The following IL6ST variants were observed in gnomAD, a reference collection of about 807,000 sequenced individuals.
IL6ST encodes interleukin-6 receptor subunit beta.
Under a neutral mutation model 91.3 loss-of-function variants are expected in IL6ST, and 24 were observed. The ratio of observed to expected loss-of-function variants is 0.26; its 90% CI spans 0.19 to 0.37. The LOEUF is 0.37. IL6ST is among the 10% of genes least tolerant of loss of function. IL6ST has a pLI of 1.00. For synonymous variants in IL6ST, 351 were observed against 373.6 expected (o/e 0.94, Z 0.70); for missense variants, 914 against 1,078.5 (o/e 0.85, Z 2.14).
intron 9 of IL6ST, 40 bp from the exon 10 acceptor site, chr5:55,956,275 ATCTTG>A: frequency 8.4e-7 from 1 of 1,190,458 alleles, no homozygotes; most frequent in Middle Eastern, 2.9e-4. Context: ...AATCTCATAA[ATCTTG>A]AATAAAAAAT....
At chr5:55,976,333 C>A (rs1753290060) in intron 2 of IL6ST, 40 bp from the exon 3 acceptor site, 5 of 1,096,708 alleles carry the variant, frequency 4.6e-6, no homozygotes, top group South Asian at 1.6e-5. Flanking sequence ...AATATTTTTT[C>A]TCTTATATAC....
At position 55,942,895 on chromosome 5, in the gene IL6ST, A is replaced by G. The variant is rs1017638906; in HGVS notation, c.1938-144T>C. Reference sequence around the variant, plus strand: ...AAAAAATACCTACTCTACCCCAAACAAAAATTATTTTTCTTATAACCAATA... The same window carrying G: ...AAAAAATACCTACTCTACCCCAAACGAAAATTATTTTTCTTATAACCAATA... On this transcript the variant is annotated intron_variant, in intron 15 of 16. Transcript: ENST00000381298. The G allele has an allele frequency of 1.8e-5, 9 of 506,424 alleles. No individual in the cohort carries two copies. In the Admixed American group the frequency reaches 3.3e-4, roughly 19 times the overall value. 31.4% of individuals were successfully genotyped at this position (506,424 alleles called of 1,614,324 possible). A position where few individuals can be genotyped will look rare whatever the true frequency, so the allele number is the denominator to read the frequency against.
Position 55,940,589 on chromosome 5 carries a change from T to C in IL6ST, c.*493A>G. The C allele has an allele frequency of 4.7e-6, 1 of 213,614 alleles. No homozygotes were observed. Among genetic ancestry groups the C allele is most frequent in the Non-Finnish European group, 9.5e-6 (1 of 105,666 alleles). The allele number at this position is 213,614 out of a possible 1,614,324, so 13.2% of individuals were successfully genotyped here. A position where few individuals can be genotyped will look rare whatever the true frequency, so the allele number is the denominator to read the frequency against. ...TGTCAGATTACAAAAGCTGGGCTCA[T>C]GTAGTTATGGCCTATGGACCTCTTT... On this transcript the variant is annotated 3_prime_UTR_variant, in exon 17 of 17. Transcript: ENST00000381298.
At position 55,940,014 on chromosome 5, in the gene IL6ST, C is replaced by T. The variant is rs1439672947; in HGVS notation, c.*1068G>A. The T allele has an allele frequency of 5.2e-6, 1 of 192,732 alleles. No individual in the cohort carries two copies. The highest frequency in any genetic ancestry group is 1.0e-5 in the Non-Finnish European group (1 of 95,850). The allele number at this position is 192,732 out of a possible 1,614,324, so 11.9% of individuals were successfully genotyped here. On this transcript the variant is annotated 3_prime_UTR_variant, in exon 17 of 17. Transcript: ENST00000381298. ...AAAATAAAAAAATTTAAATCTTTGCCTACTTATTTAAAAATAAAAAAAATA... is the reference window on the plus strand; with the variant it reads ...AAAATAAAAAAATTTAAATCTTTGCTTACTTATTTAAAAATAAAAAAAATA...
At chr5:55,957,156 CAAA>C (rs35994470) in intron 9 of IL6ST, 50 bp downstream of exon 9, 1,146 of 758,140 alleles carry the variant, frequency 1.5e-3, no homozygotes, top group East Asian at 2.2e-3. Context: ...GACTCGGTTT[CAAA>C]AAAAAAAAAA....
intron 14 of IL6ST, among the ~76,000 whole-genome samples, chr5:55,948,193 T>G (rs1388094690): frequency 6.6e-6 from 1 of 152,098 alleles, no homozygotes; most frequent in East Asian, 1.9e-4. Context: ...AGGAATAAAC[T>G]AAAAAGTAAA....
intron 15 of IL6ST, among the ~76,000 whole-genome samples, chr5:55,947,192 T>A (rs2111634950): frequency 6.6e-6 from 1 of 152,188 alleles, no homozygotes; most frequent in South Asian, 2.1e-4. Context: ...AGAGTGAAAC[T>A]CTGTCTCAAA....
intron 1 of IL6ST, among the ~76,000 whole-genome samples, chr5:55,993,607 A>G (rs1435939587): frequency 6.6e-6 from 1 of 152,184 alleles, no homozygotes; most frequent in Non-Finnish European, 1.5e-5. Flanking sequence ...AAAAAATCCC[A>G]CTACAGTCTG....
At chr5:55,952,212 C>G in intron 12 of IL6ST, 38 bp downstream of exon 12, 2 of 1,542,554 alleles carry the variant, frequency 1.3e-6, no homozygotes, top group Non-Finnish European at 1.8e-6. Flanking sequence ...ATACAAAGCC[C>G]TAAACTTTTT....
At chr5:55,988,742 G>A (rs369472920) in intron 1 of IL6ST, among the ~76,000 whole-genome samples, 2 of 145,716 alleles carry the variant, frequency 1.4e-5, no homozygotes, top group East Asian at 2.0e-4. Flanking sequence ...CTCCAGCCCA[G>A]GCAACAAGAG....
intron 14 of IL6ST, among the ~76,000 whole-genome samples, chr5:55,947,865 G>T (rs771105135): frequency 6.6e-6 from 1 of 152,110 alleles, no homozygotes; most frequent in Non-Finnish European, 1.5e-5. Flanking sequence ...AGTGTATCGG[G>T]TAATCTACTG....
chr5:55,992,112 T>G (rs1003180903), intron 1 of IL6ST, among the ~76,000 whole-genome samples: 3 of 152,202 alleles, frequency 2.0e-5, no homozygotes, highest in African/African-American at 7.2e-5. Context: ...TCATCTCTTA[T>G]ATGGAATTTC....
At chr5:55,963,868 G>A (rs1752480942) in intron 6 of IL6ST, among the ~76,000 whole-genome samples, 1 of 152,150 alleles carries the variant, frequency 6.6e-6, no homozygotes, top group Admixed American at 6.5e-5. Context: ...CAGCTGTTAA[G>A]TGTGGTTGGA....
chr5:55,957,216 A>G lies in IL6ST; in HGVS notation c.1049T>C (p.Val350Ala). The stretch of plus-strand genomic sequence containing the variant: ...ATAAATGTGATTTTTTACCTTCCAC[A>G]CGAGTTGTACAGTTCTGTAGCCTTG... The part of the protein sequence containing the change: ...HTQGYRTVQL[V>A]WKTLPPFEAN... The change falls in exon 9 of 17, where the codon GTG becomes GCG. Residue 350 changes from valine (V) to alanine (A), a missense_variant. Coordinates refer to ENST00000381298, the MANE Select transcript of IL6ST (RefSeq NM_002184.4). 1 of 1,488,632 alleles carries G rather than the reference A, an allele frequency of 6.7e-7. No individual in the cohort carries two copies. Among genetic ancestry groups the G allele is most frequent in the Non-Finnish European group, 9.1e-7 (1 of 1,098,838 alleles). 92.2% of individuals were successfully genotyped at this position (1,488,632 alleles called of 1,614,324 possible).
chr5:55,981,793 C>G (rs529646004), intron 2 of IL6ST, among the ~76,000 whole-genome samples: 1 of 152,114 alleles, frequency 6.6e-6, no homozygotes, highest in Admixed American at 6.5e-5. Flanking sequence ...TATATTATAA[C>G]CATACATTGC....
intron 11 of IL6ST, 93 bp downstream of exon 11, chr5:55,954,717 G>A (rs750140127): frequency 1.6e-5 from 14 of 900,882 alleles, no homozygotes; most frequent in Admixed American, 1.3e-4. Flanking sequence ...ATTGGAAGTC[G>A]TTTCAACGGA....
intron 6 of IL6ST, 25 bp downstream of exon 6, chr5:55,964,121 C>G (rs1326313646): frequency 7.3e-7 from 1 of 1,360,652 alleles, no homozygotes; most frequent in Admixed American, 2.1e-5. Context: ...GTCAAATAAA[C>G]TCTCAAATTC....
At chr5:55,964,578 C>A (rs540607933) in intron 5 of IL6ST, among the ~76,000 whole-genome samples, 1 of 152,178 alleles carries the variant, frequency 6.6e-6, no homozygotes, top group Non-Finnish European at 1.5e-5. Flanking sequence ...CCACTTACTC[C>A]TCTCCAAAAA....
chr5:55,989,152 C>A (rs1187487081), intron 1 of IL6ST, among the ~76,000 whole-genome samples: 1 of 119,994 alleles, frequency 8.3e-6, no homozygotes, highest in Non-Finnish European at 1.6e-5. Context: ...AAAAAAGTCT[C>A]GCAGAAAAAA....
Sources: gnomAD v4.1 joint callset for allele counts (sites outside exome capture counted in the v4.1 genomes callset) on GRCh38, gnomAD v4.1.1 for gene constraint, MANE v1.5 for transcripts, NCBI Gene and HGNC (gene_info 2026-07-23, HGNC 2026-07-21) for gene names.